Variants in PIGK observed in about 807,000 individuals in gnomAD.
The protein encoded by PIGK is phosphatidylinositol glycan anchor biosynthesis class K.
A neutral mutation model predicts 50.6 loss-of-function variants in PIGK; 42 were observed. The ratio of observed to expected loss-of-function variants is 0.83; its 90% confidence interval spans 0.65 to 1.07. The LOEUF (loss-of-function observed/expected upper bound fraction) is 1.07. PIGK is among the 50% of genes least tolerant of loss of function. The pLI is 0.00. For missense variants in PIGK, 448 were observed against 488.7 expected (o/e 0.92, Z 0.78); for synonymous variants, 151 against 156.0 (o/e 0.97, Z 0.24).
At chr1:77,155,870 T>C (rs1654998074) in intron 8 of PIGK, among the ~76,000 whole-genome samples, 1 of 152,102 alleles carries the variant, frequency 6.6e-6, no homozygotes, top group African/African-American at 2.4e-5. Flanking sequence ...TAAAACACAG[T>C]GTTCCAAGCA....
At chr1:77,182,527 TACACACAC>T (rs34396665) in intron 3 of PIGK, among the ~76,000 whole-genome samples, 4 of 150,232 alleles carry the variant, frequency 2.7e-5, no homozygotes, top group African/African-American at 9.8e-5. Flanking sequence ...TATCTATCTG[TACACACAC>T]ACACACACAC....
At position 77,208,699 on chromosome 1, in the gene PIGK, A is replaced by G. The variant is rs868761047; in HGVS notation, c.147+1737T>C. On this transcript the variant is annotated intron_variant, in intron 2 of 10. Coordinates refer to ENST00000370812, the MANE Select transcript of PIGK (RefSeq NM_005482.3). ...AGAAAAATTTCTTGTGAAGGGTAGC[A>G]TATATAAGAGGTTTTTTTCTTGAAG... Among the ~76,000 whole-genome samples, 6 of 152,178 alleles carry G rather than the reference A, an allele frequency of 3.9e-5. No homozygotes were observed. In the East Asian group the frequency reaches 1.2e-3, roughly 29 times the overall value.
At position 77,100,311 on chromosome 1, in the gene PIGK, A is replaced by C. The variant is rs537649309; in HGVS notation, c.1072-7821T>G. ...GGTTATAGTTATAATTATTTCAGAA[A>C]ATAGCTGTGTTCAACTATTTAATTA... On this transcript the variant is annotated intron_variant, in intron 10 of 10. Coordinates refer to ENST00000370812, the MANE Select transcript of PIGK (RefSeq NM_005482.3). Among the ~76,000 whole-genome samples, 688 of 152,302 alleles carry C rather than the reference A, an allele frequency of 4.5e-3. 3 individuals carry two copies. Among genetic ancestry groups the C allele is most frequent in the Non-Finnish European group, 7.3e-3 (498 of 68,008 alleles).
chr1:77,172,919 G>A (rs533686399), intron 3 of PIGK, among the ~76,000 whole-genome samples: 28 of 151,950 alleles, frequency 1.8e-4, no homozygotes, highest in Non-Finnish European at 3.5e-4. Flanking sequence ...GCGAGACTCC[G>A]CCTCAGAAAA....
At chr1:77,118,841 G>T (rs1238165246) in intron 10 of PIGK, among the ~76,000 whole-genome samples, 1 of 152,200 alleles carries the variant, frequency 6.6e-6, no homozygotes, top group African/African-American at 2.4e-5. Flanking sequence ...TGATTGGACT[G>T]AAGGATGCAA....
At chr1:77,214,294 C>G (rs923050286) in intron 1 of PIGK, among the ~76,000 whole-genome samples, 5 of 152,132 alleles carry the variant, frequency 3.3e-5, no homozygotes, top group African/African-American at 1.2e-4. Flanking sequence ...AAAATACTAG[C>G]AAACTGAATC....
chr1:77,127,619 G>A (rs765418919), intron 9 of PIGK, among the ~76,000 whole-genome samples: 57 of 152,026 alleles, frequency 3.7e-4, no homozygotes, highest in Non-Finnish European at 5.7e-4. Flanking sequence ...CCAACAAAAC[G>A]AACAAGAAAG....
chr1:77,136,737 T>C (rs888279223), intron 9 of PIGK, among the ~76,000 whole-genome samples: 1 of 152,152 alleles, frequency 6.6e-6, no homozygotes, highest in African/African-American at 2.4e-5. Context: ...TAAGCCATTA[T>C]CTCTTATATT....
chr1:77,100,894 C>T (rs1176035774), intron 10 of PIGK, among the ~76,000 whole-genome samples: 1 of 152,144 alleles, frequency 6.6e-6, no homozygotes, highest in Non-Finnish European at 1.5e-5. Context: ...TTCTTTTAAA[C>T]AGTAGGCTTG....
Position 77,161,637 on chromosome 1 carries a change from A to G in PIGK, c.659T>C (p.Ile220Thr). 1 of 1,579,554 alleles carries G rather than the reference A, an allele frequency of 6.3e-7. No homozygotes were observed. ...SMYERFYSPN[I>T]MALASSQVGE... is the part of the protein sequence containing the mutation. ...CACTTGACTACTAGCTAGAGCCATT[A>G]TGTTAGGAGAATAAAATCGTTCATA... is the stretch of plus-strand genomic sequence containing the variant. Residue 220 changes from isoleucine (I) to threonine (T), a missense_variant, in exon 7 of 11, where the codon ATA becomes ACA. Ile to Thr is a moderately conservative substitution (Grantham distance 89, BLOSUM62 -1). Coordinates refer to ENST00000370812, the MANE Select transcript of PIGK (RefSeq NM_005482.3).
intron 10 of PIGK, among the ~76,000 whole-genome samples, chr1:77,119,075 C>T: frequency 6.6e-6 from 1 of 152,196 alleles, no homozygotes; most frequent in East Asian, 1.9e-4. Flanking sequence ...CTGATTACAG[C>T]TGCGTTAGGC....
At position 77,204,677 on chromosome 1, in the gene PIGK, G is replaced by A. The variant is rs574726257; in HGVS notation, c.239+1963C>T. Among the ~76,000 whole-genome samples the A allele has an allele frequency of 1.2e-3, 175 of 151,938 alleles. 1 individual carries two copies. The highest frequency in any genetic ancestry group is 3.7e-3 in the African/African-American group (154 of 41,410). ...ACTCTTTCCCTTTATTTCTCAGACC[G>A]GCCGACACTTAGGAAAAATAGAAAA... On this transcript the variant is annotated intron_variant, in intron 3 of 10. Coordinates refer to ENST00000370812, the MANE Select transcript of PIGK (RefSeq NM_005482.3).
chr1:77,176,624 T>C (rs1184727947), intron 3 of PIGK, among the ~76,000 whole-genome samples: 1 of 152,182 alleles, frequency 6.6e-6, no homozygotes, highest in East Asian at 1.9e-4. Flanking sequence ...GAATATGGTG[T>C]CTTTTAGGAG....
At chr1:77,125,551 A>T (rs1654211948) in intron 9 of PIGK, among the ~76,000 whole-genome samples, 1 of 152,160 alleles carries the variant, frequency 6.6e-6, no homozygotes, top group Non-Finnish European at 1.5e-5. Flanking sequence ...AAGAAGTGTG[A>T]TGCTAAATTG....
At chr1:77,164,964 T>A (rs1479079909) in intron 5 of PIGK, among the ~76,000 whole-genome samples, 1 of 152,146 alleles carries the variant, frequency 6.6e-6, no homozygotes, top group Non-Finnish European at 1.5e-5. Flanking sequence ...CTACAAAAGA[T>A]CAGGTAGTAA....
At chr1:77,184,953 C>T (rs1655705049) in intron 3 of PIGK, among the ~76,000 whole-genome samples, 1 of 152,168 alleles carries the variant, frequency 6.6e-6, no homozygotes, top group African/African-American at 2.4e-5. Context: ...CCTACCACAT[C>T]CCTGTTCAAC....
At chr1:77,204,865 C>G (rs1424482918) in intron 3 of PIGK, among the ~76,000 whole-genome samples, 1 of 152,132 alleles carries the variant, frequency 6.6e-6, no homozygotes, top group African/African-American at 2.4e-5. Flanking sequence ...TTACCCAATA[C>G]TAGCTGAGCA....
chr1:77,189,945 T>C (rs575222159), intron 3 of PIGK, among the ~76,000 whole-genome samples: 73 of 151,792 alleles, frequency 4.8e-4, no homozygotes, highest in Non-Finnish European at 6.8e-4. Flanking sequence ...TCATCTCCAT[T>C]TTACAGGTTA....
chr1:77,190,578 G>C (rs1375950303), intron 3 of PIGK, among the ~76,000 whole-genome samples: 1 of 152,132 alleles, frequency 6.6e-6, no homozygotes, highest in Non-Finnish European at 1.5e-5. Flanking sequence ...CCAGAGACCT[G>C]AGTAAAAATT....
Sources: allele counts gnomAD v4.1 joint callset (sites outside exome capture counted in the v4.1 genomes callset), GRCh38; gene constraint gnomAD v4.1.1; transcripts MANE v1.5; gene names NCBI Gene and HGNC (gene_info 2026-07-23, HGNC 2026-07-21).